Variants in DPH6 observed in about 807,000 individuals in gnomAD.
DPH6 encodes the protein diphthine--ammonia ligase.
Under a neutral mutation model 38.2 loss-of-function variants are expected in DPH6, and 33 were observed. The ratio of observed to expected loss-of-function variants is 0.86; its 90% CI spans 0.65 to 1.15. DPH6 has a LOEUF of 1.15. DPH6 is among the 50% of genes most tolerant of loss of function. The probability of loss-of-function intolerance (pLI) is 0.00; values close to 1 mark genes in which losing one functional copy is unlikely to be tolerated. For missense variants in DPH6, 325 were observed against 320.0 expected (o/e 1.02, Z -0.12); for synonymous variants, 108 against 103.0 (o/e 1.05, Z -0.30).
chr15:35,193,113 AAG>A, the DPH6 span, among the ~76,000 whole-genome samples: 7 of 152,336 alleles, frequency 4.6e-5, no homozygotes, highest in East Asian at 1.3e-3. Flanking sequence ...TATGAATACT[AAG>A]AGTAAATATA....
the DPH6 span, among the ~76,000 whole-genome samples, chr15:35,176,915 C>A: frequency 6.6e-6 from 1 of 152,210 alleles, no homozygotes; most frequent in East Asian, 1.9e-4. Flanking sequence ...ACTAATGATT[C>A]TCTGCATTTC....
At chr15:35,336,257 CAG>C (rs1483363058) in intron 3 of DPH6, among the ~76,000 whole-genome samples, 1 of 151,990 alleles carries the variant, frequency 6.6e-6, no homozygotes, top group East Asian at 1.9e-4. Flanking sequence ...TAATATCCTG[CAG>C]AGTGTTTTCC....
chr15:35,255,942 T>G (rs2051705193), intron 3 of DPH6, among the ~76,000 whole-genome samples: 1 of 152,114 alleles, frequency 6.6e-6, no homozygotes, highest in African/African-American at 2.4e-5. Context: ...ACATGATTTA[T>G]GCATATATAA....
chr15:35,226,454 A>G (rs191951510), intron 3 of DPH6, among the ~76,000 whole-genome samples: 62 of 152,318 alleles, frequency 4.1e-4, no homozygotes, highest in Non-Finnish European at 7.9e-4. Flanking sequence ...AGGTAAAGAA[A>G]AGTGCAGCAC....
Position 35,240,780 on chromosome 15 carries a change from G to A in DPH6, n.201-20198C>T, listed in dbSNP as rs1294330093. On this transcript the variant is annotated intron_variant and non_coding_transcript_variant, in intron 3 of 3. Transcript: ENST00000560386. ...CTAGACCCTAAAAGGTCAAAAGGCC[G>A]TCTTATTCTCAATATACATTTTATT... 1.4e-5 allele frequency among the ~76,000 whole-genome samples: 2 copies of A among 143,858 alleles called. 1 individual carries two copies. Among genetic ancestry groups the A allele is most frequent in the South Asian group, 4.8e-4 (2 of 4,152 alleles). The allele number at this position is 143,858 out of a possible 152,430, so 94.4% of individuals were successfully genotyped here. A position where few individuals can be genotyped will look rare whatever the true frequency, so the allele number is the denominator to read the frequency against.
the DPH6 span, among the ~76,000 whole-genome samples, chr15:35,191,787 C>T: frequency 7.3e-6 from 1 of 137,506 alleles, no homozygotes; most frequent in South Asian, 2.1e-4. Flanking sequence ...TCACCACATT[C>T]AGACAATCTC....
intron 1 of DPH6, among the ~76,000 whole-genome samples, chr15:35,545,560 C>CCA (rs1462028926): frequency 2.0e-5 from 3 of 152,176 alleles, no homozygotes; most frequent in Admixed American, 2.0e-4. Context: ...CATAAGCAAT[C>CCA]CACATCTGTG....
intron 3 of DPH6, among the ~76,000 whole-genome samples, chr15:35,268,172 AAAAT>A (rs200566883): frequency 0.48 from 66,867 of 140,100 alleles, 17,238 homozygotes; most frequent in Non-Finnish European, 0.57. Flanking sequence ...TCTGTCTCAA[AAAAT>A]AAATAAATAA....
chr15:35,452,411 A>T (rs1343427195), intron 4 of DPH6, among the ~76,000 whole-genome samples: 1 of 152,172 alleles, frequency 6.6e-6, no homozygotes, highest in Non-Finnish European at 1.5e-5. Context: ...CCCAGTGTCT[A>T]TAAGGTTTAT....
At chr15:35,413,209 A>G (rs1395576895) in intron 5 of DPH6, among the ~76,000 whole-genome samples, 1 of 151,704 alleles carries the variant, frequency 6.6e-6, no homozygotes, top group Non-Finnish European at 1.5e-5. Flanking sequence ...CAAATTTCAT[A>G]AATGCTCCAT....
chr15:35,224,776 A>G (rs1441539540), intron 3 of DPH6, among the ~76,000 whole-genome samples: 1 of 152,140 alleles, frequency 6.6e-6, no homozygotes, highest in Admixed American at 6.6e-5. Flanking sequence ...ATAGGTGTGT[A>G]GTGGATTTAA....
chr15:35,403,674 GT>G (rs1415274348), intron 6 of DPH6, among the ~76,000 whole-genome samples: 1 of 151,762 alleles, frequency 6.6e-6, no homozygotes, highest in Non-Finnish European at 1.5e-5. Flanking sequence ...TGCTTGGCTA[GT>G]TTTTTCATAT....
intron 3 of DPH6, among the ~76,000 whole-genome samples, chr15:35,459,107 G>A (rs940617143): frequency 5.9e-5 from 9 of 152,124 alleles, no homozygotes; most frequent in Non-Finnish European, 1.3e-4. Flanking sequence ...ATCTTTGTGT[G>A]GCTCATACTG....
the DPH6 span, among the ~76,000 whole-genome samples, chr15:35,193,535 C>G: frequency 6.6e-6 from 1 of 152,004 alleles, no homozygotes; most frequent in African/African-American, 2.4e-5. Flanking sequence ...CAGTTGTTCA[C>G]TGGCAGCGAT....
intron 3 of DPH6, among the ~76,000 whole-genome samples, chr15:35,473,913 AGTGTGTGTGTGTGTGTGTGTGTGT>A (rs58549209): frequency 1.4e-4 from 18 of 126,888 alleles, no homozygotes; most frequent in African/African-American, 2.6e-4. Flanking sequence ...CACTGTGCAC[AGTGTGTGTGTGTGTGTGTGTGTGT>A]GTGTGTGTGT....
chr15:35,247,690 A>G (rs1485615817), intron 3 of DPH6, among the ~76,000 whole-genome samples: 1 of 152,226 alleles, frequency 6.6e-6, no homozygotes. Context: ...AGATAAAGTA[A>G]CATGCATACA....
At chr15:35,420,637 T>C (rs957375672) in intron 5 of DPH6, among the ~76,000 whole-genome samples, 1 of 152,144 alleles carries the variant, frequency 6.6e-6, no homozygotes, top group African/African-American at 2.4e-5. Flanking sequence ...TGCCTCAGCA[T>C]CCTGAGTAGC....
chr15:35,515,680 C>T (rs2141225218), intron 3 of DPH6, among the ~76,000 whole-genome samples: 1 of 135,268 alleles, frequency 7.4e-6, no homozygotes. Context: ...AAGATCGTGC[C>T]ACTACACTCT....
chr15:35,463,801 C>T (rs946586001), intron 3 of DPH6, among the ~76,000 whole-genome samples: 1 of 151,826 alleles, frequency 6.6e-6, no homozygotes, highest in Non-Finnish European at 1.5e-5. Context: ...TATATATATA[C>T]ACATTCATCT....
Sources: allele counts gnomAD v4.1 joint callset (sites outside exome capture counted in the v4.1 genomes callset), GRCh38; gene constraint gnomAD v4.1.1; transcripts MANE v1.5; gene names NCBI Gene and HGNC (gene_info 2026-07-23, HGNC 2026-07-21).